RABGAP1L: variants seen among roughly 807,000 people sequenced by gnomAD.
RABGAP1L encodes the protein RAB GTPase activating protein 1 like.
A neutral mutation model predicts 137.7 loss-of-function variants in RABGAP1L; 63 were observed. The ratio of observed to expected loss-of-function variants is 0.46; its 90% CI spans 0.37 to 0.56. The LOEUF (loss-of-function observed/expected upper bound fraction) is 0.56, where lower values mean the gene tolerates loss of function less well. Ranked by LOEUF, RABGAP1L falls within the 20% of genes least tolerant of loss-of-function variation. RABGAP1L has a pLI of 0.00. For synonymous variants in RABGAP1L, 431 were observed against 433.7 expected (o/e 0.99, Z 0.08); for missense variants, 1,095 against 1,244.0 (o/e 0.88, Z 1.80).
chr1:174,536,849 T>A (rs1489852686), intron 13 of RABGAP1L, among the ~76,000 whole-genome samples: 2 of 152,178 alleles, frequency 1.3e-5, no homozygotes, highest in Admixed American at 1.3e-4. Flanking sequence ...AATAATTACT[T>A]TTTTCCTTTT....
chr1:174,758,593 T>C (rs934535373), intron 18 of RABGAP1L, among the ~76,000 whole-genome samples: 6 of 152,180 alleles, frequency 3.9e-5, no homozygotes, highest in Non-Finnish European at 4.4e-5. Flanking sequence ...TGGCCTCCTC[T>C]TTCAAGTTTC....
At chr1:174,831,863 G>A (rs1692146380) in intron 19 of RABGAP1L, among the ~76,000 whole-genome samples, 1 of 148,226 alleles carries the variant, frequency 6.7e-6, no homozygotes, top group Non-Finnish European at 1.5e-5. Flanking sequence ...TAACACCTAA[G>A]GTAGGAGAGT....
chr1:174,771,906 A>G (rs1686138239), intron 18 of RABGAP1L, among the ~76,000 whole-genome samples: 2 of 152,266 alleles, frequency 1.3e-5, no homozygotes, highest in Admixed American at 1.3e-4. Flanking sequence ...GCACTTTAAA[A>G]CTAATCTTCA....
chr1:174,624,017 C>G (rs1008935529), intron 13 of RABGAP1L, among the ~76,000 whole-genome samples: 3 of 152,212 alleles, frequency 2.0e-5, no homozygotes, highest in African/African-American at 7.2e-5. Flanking sequence ...TGAAATGGCT[C>G]CATATTGTCC....
intron 19 of RABGAP1L, among the ~76,000 whole-genome samples, chr1:174,901,871 T>G (rs1374605843): frequency 6.6e-6 from 1 of 152,216 alleles, no homozygotes; most frequent in Admixed American, 6.5e-5. Flanking sequence ...GGGGTCTTTT[T>G]TGTTGATATT....
intron 13 of RABGAP1L, among the ~76,000 whole-genome samples, chr1:174,406,698 G>A (rs1469381418): frequency 2.0e-5 from 3 of 152,124 alleles, no homozygotes; most frequent in Non-Finnish European, 2.9e-5. Flanking sequence ...ACTTTGGAAA[G>A]CCAAGGCAGG....
chr1:174,478,148 T>C (rs1658699248), intron 13 of RABGAP1L, among the ~76,000 whole-genome samples: 1 of 152,110 alleles, frequency 6.6e-6, no homozygotes, highest in Non-Finnish European at 1.5e-5. Context: ...TTCAAGTATA[T>C]CTTTTTGAAC....
chr1:174,988,889 C>T, intron 25 of RABGAP1L, 51 bp downstream of exon 25: 6 of 1,473,028 alleles, frequency 4.1e-6, no homozygotes, highest in Non-Finnish European at 5.4e-6. Flanking sequence ...ATTAATGGTC[C>T]AGGATACTCT....
chr1:174,653,419 G>A (rs571881495), intron 14 of RABGAP1L, among the ~76,000 whole-genome samples: 1 of 152,194 alleles, frequency 6.6e-6, no homozygotes, highest in Admixed American at 6.5e-5. Context: ...CCTTGGTGGT[G>A]TAGGCATCCG....
rs182326267 is a variant in RABGAP1L, at chr1:174,761,685, C to G, written c.2211+9331C>G. On this transcript the variant is annotated intron_variant, in intron 18 of 25. Coordinates refer to ENST00000681986, the MANE Select transcript of RABGAP1L (RefSeq NM_001366446.1). This position sits in a 1 kb window ranked among gnomAD's most constrained non-coding sequence, Gnocchi z 4.0. ...ACAGAGGCATTCCTCACTTCCCAGACGGTGGAAACTCCCGTTTTTAAAACA... is the reference window on the plus strand; with the variant it reads ...ACAGAGGCATTCCTCACTTCCCAGAGGGTGGAAACTCCCGTTTTTAAAACA... Among the ~76,000 whole-genome samples the G allele has an allele frequency of 6.6e-6, 1 of 152,118 alleles. No homozygotes were observed. The highest frequency in any genetic ancestry group is 1.5e-5 in the Non-Finnish European group (1 of 68,020).
At chr1:174,450,241 TAAATA>T (rs1158823039) in intron 13 of RABGAP1L, among the ~76,000 whole-genome samples, 5 of 152,098 alleles carry the variant, frequency 3.3e-5, no homozygotes, top group Non-Finnish European at 7.4e-5. Flanking sequence ...TAAAAATAAA[TAAATA>T]AAATAAAACA....
At chr1:174,610,310 GTTTTTTGTCC>G (rs979078761) in intron 13 of RABGAP1L, among the ~76,000 whole-genome samples, 1 of 148,212 alleles carries the variant, frequency 6.7e-6, no homozygotes, top group African/African-American at 2.5e-5. Context: ...GCAGTGTTTG[GTTTTTTGTCC>G]TTGTGATAGT....
intron 10 of RABGAP1L, among the ~76,000 whole-genome samples, chr1:174,303,004 A>G (rs907773642): frequency 2.6e-5 from 4 of 151,946 alleles, no homozygotes; most frequent in African/African-American, 7.3e-5. Context: ...TGGAGTACTT[A>G]TAAAGTTGTG....
chr1:174,437,846 G>C (rs550100184), intron 13 of RABGAP1L, among the ~76,000 whole-genome samples: 77 of 152,298 alleles, frequency 5.1e-4, no homozygotes, highest in African/African-American at 1.8e-3. Flanking sequence ...ACAAAGGGAA[G>C]CCCATCAGAC....
intron 12 of RABGAP1L, among the ~76,000 whole-genome samples, chr1:174,374,435 A>G (rs1040136762): frequency 1.3e-5 from 2 of 152,208 alleles, no homozygotes; most frequent in Non-Finnish European, 2.9e-5. Flanking sequence ...CGGGCCCAAC[A>G]CATTCTTTCT....
intron 5 of RABGAP1L, among the ~76,000 whole-genome samples, chr1:174,247,174 C>G (rs1334056512): frequency 6.6e-6 from 1 of 152,006 alleles, no homozygotes; most frequent in African/African-American, 2.4e-5. Context: ...ATGTGACAAG[C>G]TGGCTGATCT....
chr1:174,618,788 G>A (rs1199185739), intron 13 of RABGAP1L, among the ~76,000 whole-genome samples: 1 of 152,180 alleles, frequency 6.6e-6, no homozygotes, highest in Non-Finnish European at 1.5e-5. Flanking sequence ...AAGCTGGATG[G>A]AGAATGACTT....
chr1:174,909,547 T>C (rs555312741), intron 19 of RABGAP1L, among the ~76,000 whole-genome samples: 67 of 151,810 alleles, frequency 4.4e-4, no homozygotes, highest in Non-Finnish European at 7.8e-4. Flanking sequence ...TTGAAACAAA[T>C]GGAAATGGAA....
At chr1:174,793,045 T>G (rs1412439190) in intron 18 of RABGAP1L, among the ~76,000 whole-genome samples, 1 of 151,834 alleles carries the variant, frequency 6.6e-6, no homozygotes, top group Non-Finnish European at 1.5e-5. Flanking sequence ...GGCAGGAGAA[T>G]CACTTGAACT....
Sources: gnomAD v4.1 joint callset for allele counts (sites outside exome capture counted in the v4.1 genomes callset) on GRCh38, gnomAD v4.1.1 for gene constraint, Gnocchi (gnomAD v3.1) non-coding constraint, MANE v1.5 for transcripts, NCBI Gene and HGNC (gene_info 2026-07-23, HGNC 2026-07-21) for gene names.